Variants in TTLL11 observed in about 807,000 individuals in gnomAD.
TTLL11 encodes the protein tubulin tyrosine ligase like 11, also known as tubulin polyglutamylase TTLL11.
TTLL11 carries 42 observed loss-of-function variants against 51.7 expected under a neutral mutation model. That is an observed-to-expected ratio of 0.81 (90% confidence interval 0.64 to 1.05). The LOEUF is 1.05. Ranked by LOEUF, TTLL11 falls within the 50% of genes least tolerant of loss-of-function variation. The pLI is 0.00. For missense variants in TTLL11, 799 were observed against 940.4 expected (o/e 0.85, Z 1.97); for synonymous variants, 381 against 383.5 (o/e 0.99, Z 0.08).
At chr9:121,889,720 T>C (rs758149879) in intron 6 of TTLL11, among the ~76,000 whole-genome samples, 12 of 152,096 alleles carry the variant, frequency 7.9e-5, no homozygotes, top group Non-Finnish European at 1.0e-4. Flanking sequence ...GCCAACATGG[T>C]GAAACCCCGT....
intron 6 of TTLL11, among the ~76,000 whole-genome samples, chr9:121,944,871 A>G (rs1222677472): frequency 6.6e-6 from 1 of 152,224 alleles, no homozygotes; most frequent in Non-Finnish European, 1.5e-5. Flanking sequence ...ACAAGATAAT[A>G]ACATTTGCAA....
Position 122,031,795 on chromosome 9 carries a change from G to A in TTLL11, c.621C>T (p.Leu207=), listed in dbSNP as rs756473028. 6.2e-7 allele frequency: 1 copy of A among 1,614,076 alleles called. No homozygotes were observed. Among genetic ancestry groups the A allele is most frequent in the South Asian group, 1.1e-5 (1 of 91,080 alleles). ...LSRAVRTMQN[L]FPEEYNFYPR... is the part of the protein sequence containing the mutation. ...GGTAGAAGTTGTACTCCTCAGGAAA[G>A]AGATTCTGCATGGTTCTCACTGCTC... is the stretch of plus-strand genomic sequence containing the variant. Residue 207 remains leucine, a synonymous_variant, in exon 3 of 9, where the codon CTC becomes CTT. Transcript: ENST00000321582.
chr9:121,915,990 T>TACACACAC lies in TTLL11; in HGVS notation c.1482-45250_1482-45243dup, dbSNP rs59554930. Among the ~76,000 whole-genome samples the TACACACAC allele has an allele frequency of 4.3e-3, 583 of 134,328 alleles. 5 individuals are homozygous for TACACACAC. The highest frequency in any genetic ancestry group is 0.031 in the East Asian group (150 of 4,858). The allele number at this position is 134,328 out of a possible 152,430, so 88.1% of individuals were successfully genotyped here. On this transcript the variant is annotated intron_variant, in intron 6 of 8. Coordinates refer to ENST00000321582, the MANE Select transcript of TTLL11 (RefSeq NM_001139442.2). ...GCATGTATAGACAAAGACACACACA[T>TACACACAC]ACACACACACACACACACACACACA...
chr9:121,904,269 C>T (rs559091981), intron 6 of TTLL11, among the ~76,000 whole-genome samples: 27 of 152,162 alleles, frequency 1.8e-4, no homozygotes, highest in Middle Eastern at 3.4e-3. Context: ...CTCCGCCTCC[C>T]GGGTTCAAGC....
chr9:122,056,144 A>G (rs1213414111), intron 1 of TTLL11, among the ~76,000 whole-genome samples: 1 of 152,194 alleles, frequency 6.6e-6, no homozygotes, highest in Non-Finnish European at 1.5e-5. Flanking sequence ...TACCCAAGGG[A>G]GAGAGAAGAG....
At chr9:121,985,731 AGGAT>A (rs1842926054) in intron 4 of TTLL11, among the ~76,000 whole-genome samples, 1 of 152,030 alleles carries the variant, frequency 6.6e-6, no homozygotes, top group African/African-American at 2.4e-5. Flanking sequence ...CATGTTAGCC[AGGAT>A]GGACTCGATC....
chr9:121,975,034 G>A (rs1842667799), intron 4 of TTLL11, 55 bp from the exon 5 acceptor site: 1 of 1,275,822 alleles, frequency 7.8e-7, no homozygotes, highest in Non-Finnish European at 1.0e-6. Flanking sequence ...ATGGTATTAG[G>A]GTCATTAAGT....
At chr9:121,906,950 G>C (rs915948936) in intron 6 of TTLL11, among the ~76,000 whole-genome samples, 1 of 152,026 alleles carries the variant, frequency 6.6e-6, no homozygotes, top group Non-Finnish European at 1.5e-5. Flanking sequence ...GCTCATGTCT[G>C]TATTTCCAGA....
intron 3 of TTLL11, among the ~76,000 whole-genome samples, chr9:121,990,490 G>A (rs758277664): frequency 2.7e-4 from 41 of 152,158 alleles, no homozygotes; most frequent in Non-Finnish European, 5.3e-4. Context: ...CAGCTAACGC[G>A]GGGGCAGAAT....
intron 6 of TTLL11, among the ~76,000 whole-genome samples, chr9:121,898,480 A>G (rs1275992963): frequency 6.6e-6 from 1 of 152,260 alleles, no homozygotes; most frequent in Non-Finnish European, 1.5e-5. Flanking sequence ...AGGAAACCAT[A>G]GGCCCAAGGG....
In TTLL11 at chr9:122,060,113, C is replaced by T. The variant is rs191934399; in HGVS notation, c.463-20745G>A. On this transcript the variant is annotated intron_variant, in intron 1 of 8. Transcript: ENST00000321582. Reference sequence around the variant, plus strand: ...TCCCCAGGGATATCTCCCTTTTACCCTACAATGTAATATGGTCACAGGGGC... The same window carrying T: ...TCCCCAGGGATATCTCCCTTTTACCTTACAATGTAATATGGTCACAGGGGC... Among the ~76,000 whole-genome samples the T allele has an allele frequency of 5.4e-3, 815 of 152,284 alleles. 39 individuals carry two copies. Among genetic ancestry groups the T allele is most frequent in the Admixed American group, 0.048 (740 of 15,296 alleles).
At chr9:121,826,237 C>T (rs1419978675) in intron 8 of TTLL11, among the ~76,000 whole-genome samples, 3 of 100,104 alleles carry the variant, frequency 3.0e-5, no homozygotes, top group African/African-American at 7.6e-5. Context: ...TATATATACA[C>T]GCACATATAT....
At chr9:121,992,498 G>A (rs955566707) in intron 3 of TTLL11, among the ~76,000 whole-genome samples, 1 of 152,212 alleles carries the variant, frequency 6.6e-6, no homozygotes, top group East Asian at 1.9e-4. Flanking sequence ...AAAAATCACC[G>A]CAGGTGATTC....
At chr9:122,037,916 C>T (rs1440091837) in intron 2 of TTLL11, among the ~76,000 whole-genome samples, 3 of 152,108 alleles carry the variant, frequency 2.0e-5, no homozygotes, top group Admixed American at 1.3e-4. Context: ...ACTACCACCC[C>T]CTGTATAACG....
rs1843013936 is a variant in TTLL11, at chr9:121,989,024, A to T, written c.1269+171T>A. Reference sequence around the variant, plus strand: ...CTTGCCCCAAATCACACAGGGAGCAAACAGAAAGCTTGGAAGTTGGGCCCA... The same window carrying T: ...CTTGCCCCAAATCACACAGGGAGCATACAGAAAGCTTGGAAGTTGGGCCCA... On this transcript the variant is annotated intron_variant, in intron 4 of 8. Transcript: ENST00000321582. The surrounding 1 kb of genome is among the most constrained non-coding windows in gnomAD (Gnocchi z 4.2). The T allele has an allele frequency of 2.0e-6, 3 of 1,486,870 alleles. No individual in the cohort carries two copies. Among genetic ancestry groups the T allele is most frequent in the Admixed American group, 4.7e-5 (2 of 42,864 alleles). 92.1% of individuals were successfully genotyped at this position (1,486,870 alleles called of 1,614,324 possible).
chr9:121,937,318 C>G (rs1309974226), intron 6 of TTLL11, among the ~76,000 whole-genome samples: 1 of 152,154 alleles, frequency 6.6e-6, no homozygotes, highest in Non-Finnish European at 1.5e-5. Flanking sequence ...TGAGGTAGAT[C>G]CTGTTACTGT....
At chr9:121,907,148 G>A (rs1021900299) in intron 6 of TTLL11, among the ~76,000 whole-genome samples, 1 of 152,018 alleles carries the variant, frequency 6.6e-6, no homozygotes, top group African/African-American at 2.4e-5. Context: ...GTCCACCAGG[G>A]TCTGTGGCAA....
At chr9:121,970,927 T>C (rs558208384) in intron 6 of TTLL11, among the ~76,000 whole-genome samples, 1 of 152,230 alleles carries the variant, frequency 6.6e-6, no homozygotes, top group Admixed American at 6.5e-5. Context: ...CTAGTCACAA[T>C]AGCAAAGACT....
rs899276827 is a variant in TTLL11 at position 121,816,647 on chromosome 9, T to C, written c.*5940A>G. The C allele has an allele frequency of 1.5e-5, 2 of 133,350 alleles. No individual in the cohort carries two copies. The highest frequency in any genetic ancestry group is 6.9e-5 in the Admixed American group (1 of 14,522). The allele number at this position is 133,350 out of a possible 1,614,324, so 8.3% of individuals were successfully genotyped here. A position where few individuals can be genotyped will look rare whatever the true frequency, so the allele number is the denominator to read the frequency against. ...TGCATGTGTGGTGTGTGCGCGCACA[T>C]GCGTGTGTGTGCATGTGTGCGTGTG... On this transcript the variant is annotated 3_prime_UTR_variant, in exon 9 of 9. Coordinates refer to ENST00000321582, the MANE Select transcript of TTLL11 (RefSeq NM_001139442.2).
Sources: gnomAD v4.1 joint callset for allele counts (sites outside exome capture counted in the v4.1 genomes callset) on GRCh38, gnomAD v4.1.1 for gene constraint, Gnocchi (gnomAD v3.1) non-coding constraint, MANE v1.5 for transcripts, NCBI Gene and HGNC (gene_info 2026-07-23, HGNC 2026-07-21) for gene names.